PDGFC: variants seen among roughly 807,000 people sequenced by gnomAD.
PDGFC encodes the protein platelet-derived growth factor C.
A neutral mutation model predicts 35.5 loss-of-function variants in PDGFC; 12 were observed. That is an observed-to-expected ratio of 0.34 (90% CI 0.22 to 0.55). The LOEUF is 0.55. Ranked by LOEUF, PDGFC falls within the 20% of genes least tolerant of loss-of-function variation. The pLI, the probability that PDGFC is intolerant of heterozygous loss-of-function variation, is 0.91. For missense variants in PDGFC, 322 were observed against 412.4 expected, an observed-to-expected ratio of 0.78 and a Z score of 1.90; for synonymous variants, 159 against 148.8, an observed-to-expected ratio of 1.07 and a Z score of -0.50.
chr4:156,906,728 G>T (rs1044673856), intron 1 of PDGFC, among the ~76,000 whole-genome samples: 2 of 152,240 alleles, frequency 1.3e-5, no homozygotes. Flanking sequence ...TTTCCTCTTT[G>T]CAGACTTAGG....
intron 1 of PDGFC, among the ~76,000 whole-genome samples, chr4:156,890,402 T>A (rs1425546997): frequency 6.6e-6 from 1 of 152,180 alleles, no homozygotes; most frequent in African/African-American, 2.4e-5. Context: ...TACCTCCTCA[T>A]GCCAGGCTAT....
intron 2 of PDGFC, among the ~76,000 whole-genome samples, chr4:156,846,656 G>T (rs1305164578): frequency 6.6e-6 from 1 of 151,766 alleles, no homozygotes; most frequent in Non-Finnish European, 1.5e-5. Flanking sequence ...TCATATTAAT[G>T]TTAAATTTAT....
chr4:156,870,989 T>C (rs1729968918), intron 1 of PDGFC, among the ~76,000 whole-genome samples: 1 of 152,136 alleles, frequency 6.6e-6, no homozygotes, highest in African/African-American at 2.4e-5. Context: ...CACTAAAAGT[T>C]AATGCAGAGA....
At chr4:156,785,777 G>A (rs1252444017) in intron 3 of PDGFC, among the ~76,000 whole-genome samples, 2 of 152,128 alleles carry the variant, frequency 1.3e-5, no homozygotes, top group Non-Finnish European at 2.9e-5. Flanking sequence ...AGAATCTAAT[G>A]TCTACATTGG....
chr4:156,874,778 G>A (rs1007193198), intron 1 of PDGFC, among the ~76,000 whole-genome samples: 2 of 151,302 alleles, frequency 1.3e-5, no homozygotes, highest in Non-Finnish European at 1.5e-5. Context: ...GTGCAGTGGC[G>A]CAATCTCAGC....
Position 156,776,664 on chromosome 4 carries a change from G to A in PDGFC, c.496-3771C>T, listed in dbSNP as rs1336915748. Reference sequence around the variant, plus strand: ...CTGCCAAAGAGTACATTTCTAAGATGTCAGCTCCATGAGATAAGGATCCTA... The same window carrying A: ...CTGCCAAAGAGTACATTTCTAAGATATCAGCTCCATGAGATAAGGATCCTA... On this transcript the variant is annotated intron_variant, in intron 3 of 5. Transcript: ENST00000502773. 3.3e-5 allele frequency among the ~76,000 whole-genome samples: 5 copies of A among 152,174 alleles called. No homozygotes were observed. In the South Asian group the frequency reaches 1.0e-3, roughly 32 times the overall value.
At position 156,861,508 on chromosome 4, in the gene PDGFC, A is replaced by T. The variant is rs773334426; in HGVS notation, c.119-11092T>A. 24 of 1,070,872 alleles carry T rather than the reference A, an allele frequency of 2.2e-5. No homozygotes were observed. The South Asian group carries it at 2.9e-4, about 13-fold the overall frequency. The allele number at this position is 1,070,872 out of a possible 1,614,324, so 66.3% of individuals were successfully genotyped here. ...TTCCTACCTGCCAGTAGATGGAGAT[A>T]GTAAAATTGAGTCTTTTGGTGACCT... is the stretch of plus-strand genomic sequence containing the variant. On this transcript the variant is annotated intron_variant, in intron 1 of 5. Transcript: ENST00000502773.
intron 3 of PDGFC, among the ~76,000 whole-genome samples, chr4:156,792,405 C>A (rs757405949): frequency 1.9e-4 from 29 of 149,322 alleles, no homozygotes; most frequent in South Asian, 4.1e-4. Context: ...GTAAAAGTCA[C>A]ATTCCACAAA....
chr4:156,851,930 CAAAAAAA>C (rs61505882), intron 1 of PDGFC, among the ~76,000 whole-genome samples: 17,750 of 46,504 alleles, frequency 0.38, 1,294 homozygotes, highest in South Asian at 0.58. Flanking sequence ...GACTCCATCT[CAAAAAAA>C]AAAAAAAAAA....
Position 156,873,657 on chromosome 4 carries a change from G to A in PDGFC, c.119-23241C>T, listed in dbSNP as rs80155657. On this transcript the variant is annotated intron_variant, in intron 1 of 5. Coordinates refer to ENST00000502773, the MANE Select transcript of PDGFC (RefSeq NM_016205.3). The stretch of plus-strand genomic sequence containing the variant: ...AAGGATATGGTTTGGTAAAAGTTGT[G>A]ACACTATGTAATGCAATTTCTTAAA... 2.0e-5 allele frequency among the ~76,000 whole-genome samples: 3 copies of A among 152,228 alleles called. No homozygotes were observed. The East Asian group carries it at 5.8e-4, about 29-fold the overall frequency.
chr4:156,839,224 A>G (rs976518458), intron 2 of PDGFC, among the ~76,000 whole-genome samples: 1 of 152,168 alleles, frequency 6.6e-6, no homozygotes, highest in Admixed American at 6.5e-5. Flanking sequence ...ACTCTTTTAC[A>G]TTATGTCAGA....
chr4:156,792,766 C>T (rs1731331409), intron 3 of PDGFC, among the ~76,000 whole-genome samples: 1 of 152,136 alleles, frequency 6.6e-6, no homozygotes, highest in African/African-American at 2.4e-5. Context: ...ATGCAGAGAA[C>T]AAATTTCACA....
At chr4:156,786,430 G>T (rs954147128) in intron 3 of PDGFC, among the ~76,000 whole-genome samples, 3 of 152,206 alleles carry the variant, frequency 2.0e-5, no homozygotes, top group African/African-American at 7.2e-5. Context: ...AAACCTTAAG[G>T]AGTTGACGCT....
chr4:156,867,440 A>G (rs541900810), intron 1 of PDGFC, among the ~76,000 whole-genome samples: 96 of 152,328 alleles, frequency 6.3e-4, no homozygotes, highest in African/African-American at 2.2e-3. Context: ...CACATTCACA[A>G]TCTTTAAGAT....
At chr4:156,823,478 C>A (rs934397089) in intron 2 of PDGFC, among the ~76,000 whole-genome samples, 1 of 152,112 alleles carries the variant, frequency 6.6e-6, no homozygotes, top group Non-Finnish European at 1.5e-5. Flanking sequence ...GCTATTATTG[C>A]AACAATACAT....
chr4:156,871,052 T>C (rs757761548), intron 1 of PDGFC, among the ~76,000 whole-genome samples: 1 of 152,116 alleles, frequency 6.6e-6, no homozygotes, highest in East Asian at 1.9e-4. Flanking sequence ...GCTTTTTATA[T>C]AGAGTCTGGT....
chr4:156,894,140 C>A (rs1730577370), intron 1 of PDGFC, among the ~76,000 whole-genome samples: 1 of 152,158 alleles, frequency 6.6e-6, no homozygotes, highest in African/African-American at 2.4e-5. Context: ...ATTACTTCAT[C>A]ACTGTAAGTA....
chr4:156,840,761 A>T (rs920067122), intron 2 of PDGFC, among the ~76,000 whole-genome samples: 1 of 152,192 alleles, frequency 6.6e-6, no homozygotes, highest in Non-Finnish European at 1.5e-5. Context: ...GCCCAAGGCC[A>T]TGCGAGTTCA....
At position 156,915,909 on chromosome 4, in the gene PDGFC, C is replaced by T. The variant is rs191170793; in HGVS notation, c.118+54877G>A. On this transcript the variant is annotated intron_variant, in intron 1 of 5. Coordinates refer to ENST00000502773, the MANE Select transcript of PDGFC (RefSeq NM_016205.3). Reference sequence around the variant, plus strand: ...CAACGGCTTTTCCTGCCCCCATGACCAAAAGAAAATTCTGTGGGTTCCTGG... The same window carrying T: ...CAACGGCTTTTCCTGCCCCCATGACTAAAAGAAAATTCTGTGGGTTCCTGG... 2.3e-3 allele frequency among the ~76,000 whole-genome samples: 351 copies of T among 152,094 alleles called. 1 individual carries two copies. Among genetic ancestry groups the T allele is most frequent in the Middle Eastern group, 6.8e-3 (2 of 294 alleles).
Sources: gnomAD v4.1 joint callset for allele counts (sites outside exome capture counted in the v4.1 genomes callset) on GRCh38, gnomAD v4.1.1 for gene constraint, MANE v1.5 for transcripts, NCBI Gene and HGNC (gene_info 2026-07-23, HGNC 2026-07-21) for gene names.